The following KIF16B variants were observed in gnomAD, a reference collection of about 807,000 sequenced individuals.
The protein encoded by KIF16B is kinesin-like protein KIF16B.
A neutral mutation model predicts 156.3 loss-of-function variants in KIF16B; 98 were observed. The ratio of observed to expected loss-of-function variants is 0.63; its 90% CI spans 0.53 to 0.74. The LOEUF (loss-of-function observed/expected upper bound fraction) is 0.74, where lower values mean the gene tolerates loss of function less well. Ranked by LOEUF, KIF16B falls within the 30% of genes least tolerant of loss-of-function variation. KIF16B has a pLI of 0.00. For missense variants in KIF16B, 1,421 were observed against 1,606.5 expected, an observed-to-expected ratio of 0.88 and a Z score of 1.97; for synonymous variants, 564 against 583.7, an observed-to-expected ratio of 0.97 and a Z score of 0.49.
In KIF16B at chr20:16,334,727, C is replaced by T. The variant is rs535822404; in HGVS notation, c.3711+1199G>A. On this transcript the variant is annotated intron_variant, in intron 24 of 25. Coordinates refer to ENST00000354981, the MANE Select transcript of KIF16B (RefSeq NM_024704.5). ...ATTGTGAAAAAGAGTCTAGGACCCC[C>T]TCCTTTCTCTCTTGCTCCCTGTCTC... 2.2e-4 allele frequency among the ~76,000 whole-genome samples: 34 copies of T among 152,260 alleles called. No individual in the cohort carries two copies. In the South Asian group the frequency reaches 6.2e-3, roughly 28 times the overall value.
At chr20:16,336,172 AAAT>A (rs2064033068) in intron 23 of KIF16B, among the ~76,000 whole-genome samples, 157 bp from the exon 24 acceptor site, 1 of 152,254 alleles carries the variant, frequency 6.6e-6, no homozygotes. Context: ...TACAACTTAG[AAAT>A]AATAAATGTA....
chr20:16,560,849 G>A (rs6034531), intron 1 of KIF16B, among the ~76,000 whole-genome samples: 52,232 of 151,990 alleles, frequency 0.34, 9,050 homozygotes, highest in African/African-American at 0.37. Flanking sequence ...TCACTCTGAC[G>A]GCATGATGTC....
intron 1 of KIF16B, among the ~76,000 whole-genome samples, chr20:16,553,867 G>A (rs2070753350): frequency 6.6e-6 from 1 of 152,198 alleles, no homozygotes; most frequent in Non-Finnish European, 1.5e-5. Context: ...GGAGCCCAAA[G>A]CAGGAAGGAG....
intron 3 of KIF16B, among the ~76,000 whole-genome samples, chr20:16,521,224 G>A (rs561023827): frequency 3.3e-4 from 50 of 152,182 alleles, no homozygotes; most frequent in African/African-American, 1.2e-3. Context: ...ACTCCTCTGA[G>A]CTAAAGGAGT....
intron 12 of KIF16B, among the ~76,000 whole-genome samples, chr20:16,475,146 A>G (rs560103860): frequency 6.6e-6 from 1 of 152,360 alleles, no homozygotes; most frequent in Admixed American, 6.5e-5. Context: ...ATATTCTTCA[A>G]AGAATTTAGC....
chr20:16,280,472 G>A (rs148585363), intron 25 of KIF16B, among the ~76,000 whole-genome samples: 1 of 152,360 alleles, frequency 6.6e-6, no homozygotes, highest in East Asian at 1.9e-4. Context: ...AGGATGTGAA[G>A]CAGAATGCAG....
At chr20:16,328,971 T>A (rs6043891) in intron 24 of KIF16B, among the ~76,000 whole-genome samples, 64,830 of 152,116 alleles carry the variant, frequency 0.43, 14,088 homozygotes, top group East Asian at 0.61. Flanking sequence ...ATAGCAGTGC[T>A]CATTAGGCTC....
intron 25 of KIF16B, 71 bp from the exon 26 acceptor site, chr20:16,273,482 G>A (rs1248875749): frequency 5.3e-6 from 7 of 1,319,258 alleles, no homozygotes; most frequent in Non-Finnish European, 7.6e-6. Flanking sequence ...CTTGAGCTCA[G>A]GAGTTTGAGA....
chr20:16,441,959 T>G (rs1174884832), intron 12 of KIF16B, among the ~76,000 whole-genome samples: 1 of 152,156 alleles, frequency 6.6e-6, no homozygotes. Flanking sequence ...CTATCTATAT[T>G]ACATTAAAAA....
intron 12 of KIF16B, among the ~76,000 whole-genome samples, chr20:16,466,270 G>C (rs998949046): frequency 6.6e-6 from 1 of 152,142 alleles, no homozygotes; most frequent in Non-Finnish European, 1.5e-5. Flanking sequence ...AGTAAAAGCC[G>C]AACAAACTGA....
chr20:16,315,076 C>G (rs2063677184), intron 24 of KIF16B, among the ~76,000 whole-genome samples: 1 of 151,996 alleles, frequency 6.6e-6, no homozygotes, highest in South Asian at 2.1e-4. Context: ...TATAGTCACA[C>G]TCACATGCTC....
At chr20:16,301,880 C>T (rs2063477270) in intron 25 of KIF16B, among the ~76,000 whole-genome samples, 1 of 152,150 alleles carries the variant, frequency 6.6e-6, no homozygotes, top group Non-Finnish European at 1.5e-5. Flanking sequence ...GAACTCCTGA[C>T]CTCATGTGAT....
chr20:16,494,573 A>G (rs2068392904), intron 11 of KIF16B, among the ~76,000 whole-genome samples: 1 of 152,230 alleles, frequency 6.6e-6, no homozygotes, highest in Non-Finnish European at 1.5e-5. Context: ...AAATTTGTCA[A>G]TTTGCCTAGA....
At chr20:16,513,928 C>G (rs1372978975) in intron 4 of KIF16B, among the ~76,000 whole-genome samples, 3 of 152,088 alleles carry the variant, frequency 2.0e-5, no homozygotes, top group African/African-American at 7.2e-5. Context: ...CTTCACTCAA[C>G]CCCCACACCC....
chr20:16,364,454 G>A (rs574323166), intron 22 of KIF16B, among the ~76,000 whole-genome samples: 42 of 152,268 alleles, frequency 2.8e-4, no homozygotes, highest in South Asian at 2.1e-3. Flanking sequence ...CCGAGATGTC[G>A]TTATAGCAGG....
At chr20:16,349,713 G>A (rs961028574) in intron 23 of KIF16B, among the ~76,000 whole-genome samples, 3 of 152,194 alleles carry the variant, frequency 2.0e-5, no homozygotes, top group Non-Finnish European at 4.4e-5. Context: ...CTGGCCCCAC[G>A]GTGCCTGCCA....
At chr20:16,278,618 C>G (rs78307696) in intron 25 of KIF16B, among the ~76,000 whole-genome samples, 5,875 of 152,294 alleles carry the variant, frequency 0.039, 168 homozygotes, top group Non-Finnish European at 0.062. Flanking sequence ...CCCCATGGGT[C>G]TGTTCCAAAG....
chr20:16,548,133 G>C lies in KIF16B; in HGVS notation c.48-19693C>G, dbSNP rs762041272. Among the ~76,000 whole-genome samples the C allele has an allele frequency of 6.0e-4, 91 of 152,282 alleles. 1 individual carries two copies. The highest frequency in any genetic ancestry group is 2.2e-4 in the Non-Finnish European group (15 of 68,030). On this transcript the variant is annotated intron_variant, in intron 1 of 25. Coordinates refer to ENST00000354981, the MANE Select transcript of KIF16B (RefSeq NM_024704.5). ...AGAAAACAAACTATGACACAGATCT[G>C]ATCCCAACAGCCAGTTTCAGGTCTT...
intron 12 of KIF16B, among the ~76,000 whole-genome samples, chr20:16,483,976 C>T (rs767130477): frequency 6.6e-6 from 1 of 151,996 alleles, no homozygotes; most frequent in African/African-American, 2.4e-5. Flanking sequence ...ATGCAGCATC[C>T]GCTGAGTACA....
Sources: gnomAD v4.1 joint callset for allele counts (sites outside exome capture counted in the v4.1 genomes callset) on GRCh38, gnomAD v4.1.1 for gene constraint, MANE v1.5 for transcripts, NCBI Gene and HGNC (gene_info 2026-07-23, HGNC 2026-07-21) for gene names.